Variants in RARB observed in about 807,000 individuals in gnomAD.
RARB encodes the protein retinoic acid receptor beta.
In RARB, 17 loss-of-function variants were observed where a neutral mutation model predicts 51.9. The ratio of observed to expected loss-of-function variants is 0.33; its 90% CI spans 0.22 to 0.49. The LOEUF (loss-of-function observed/expected upper bound fraction) is 0.49, where lower values mean the gene tolerates loss of function less well. Ranked by LOEUF, RARB falls within the 20% of genes least tolerant of loss-of-function variation. The pLI, the probability that RARB is intolerant of heterozygous loss-of-function variation, is 0.99. For synonymous variants in RARB, 215 were observed against 195.4 expected, an observed-to-expected ratio of 1.10 and a Z score of -0.84; for missense variants, 369 against 550.8, an observed-to-expected ratio of 0.67 and a Z score of 3.30.
intron 3 of RARB, among the ~76,000 whole-genome samples, chr3:25,099,533 C>T (rs1290216600): frequency 6.6e-6 from 1 of 150,446 alleles, no homozygotes; most frequent in Non-Finnish European, 1.5e-5. Context: ...CAAATTACAT[C>T]TTCTTAGATA....
At chr3:24,999,243 C>T (rs1437076886) in intron 2 of RARB, among the ~76,000 whole-genome samples, 1 of 152,140 alleles carries the variant, frequency 6.6e-6, no homozygotes, top group African/African-American at 2.4e-5. Flanking sequence ...CATGTAAAAA[C>T]ACGTAGTACA....
At chr3:24,923,390 C>CT (rs1193499280) in intron 2 of RARB, among the ~76,000 whole-genome samples, 1 of 152,082 alleles carries the variant, frequency 6.6e-6, no homozygotes, top group Admixed American at 6.6e-5. Context: ...TAAAAGAATT[C>CT]ATTTGACAGT....
intron 5 of RARB, chr3:25,174,713 A>C: frequency 2.3e-6 from 2 of 870,168 alleles, no homozygotes; most frequent in Non-Finnish European, 3.1e-6. Context: ...TTCTACTTTT[A>C]GTTCTGTGGA....
At chr3:25,516,689 C>T (rs1231510239) in intron 3 of RARB, among the ~76,000 whole-genome samples, 1 of 148,102 alleles carries the variant, frequency 6.8e-6, no homozygotes, top group African/African-American at 2.6e-5. Context: ...TGCAGTGATG[C>T]AATCTTGGCT....
intron 2 of RARB, among the ~76,000 whole-genome samples, chr3:24,942,555 A>G (rs1032239974): frequency 6.6e-6 from 1 of 152,222 alleles, no homozygotes; most frequent in African/African-American, 2.4e-5. Context: ...GCACAGAATG[A>G]TGATAAGCAT....
At chr3:24,942,975 C>T (rs940397440) in intron 2 of RARB, among the ~76,000 whole-genome samples, 13 of 152,016 alleles carry the variant, frequency 8.6e-5, no homozygotes, top group Non-Finnish European at 1.3e-4. Flanking sequence ...GTTTTGGAAA[C>T]GTCAATATTT....
chr3:25,407,889 C>G (rs536411403), intron 5 of RARB, among the ~76,000 whole-genome samples: 1 of 152,230 alleles, frequency 6.6e-6, no homozygotes, highest in South Asian at 2.1e-4. Context: ...CTCTCTTGCC[C>G]TTTTAGGAGG....
intron 5 of RARB, among the ~76,000 whole-genome samples, chr3:25,218,775 C>CA (rs1326034235): frequency 1.3e-5 from 2 of 152,106 alleles, no homozygotes; most frequent in Admixed American, 6.6e-5. Context: ...ATTCCCATTT[C>CA]AAAAAATAGG....
intron 3 of RARB, among the ~76,000 whole-genome samples, chr3:25,106,563 A>G (rs66831722): frequency 0.6 from 89,770 of 148,496 alleles, 27,557 homozygotes; most frequent in East Asian, 0.86. Flanking sequence ...TCATCCTCCC[A>G]AAGTGCTGGG....
intron 2 of RARB, among the ~76,000 whole-genome samples, chr3:25,483,552 CA>C (rs1244927910): frequency 8.6e-5 from 9 of 104,466 alleles, no homozygotes; most frequent in East Asian, 2.9e-4. Context: ...TTTTTTCACT[CA>C]AAAAAAGAGA....
At chr3:25,151,381 C>G (rs1335616863) in intron 4 of RARB, among the ~76,000 whole-genome samples, 1 of 152,162 alleles carries the variant, frequency 6.6e-6, no homozygotes, top group Non-Finnish European at 1.5e-5. Context: ...TAATCGTTCA[C>G]AAAAGGGAAA....
At chr3:25,171,012 C>CT (rs112633349) in intron 4 of RARB, among the ~76,000 whole-genome samples, 7,239 of 149,492 alleles carry the variant, frequency 0.048, 324 homozygotes, top group African/African-American at 0.11. Context: ...TTATTTTAAT[C>CT]TTTTTTTTTT....
chr3:25,436,547 A>G (rs1708443308), intron 1 of RARB, among the ~76,000 whole-genome samples: 1 of 152,136 alleles, frequency 6.6e-6, no homozygotes, highest in African/African-American at 2.4e-5. Flanking sequence ...GGCCCTCCTT[A>G]TCAGGGGAAA....
intron 3 of RARB, among the ~76,000 whole-genome samples, chr3:25,525,988 T>C (rs551418553): frequency 5.3e-5 from 8 of 152,284 alleles, no homozygotes; most frequent in African/African-American, 1.9e-4. Context: ...CCTCTTGGCG[T>C]TTTCATTTAT....
intron 2 of RARB, among the ~76,000 whole-genome samples, chr3:24,928,434 C>T (rs116496694): frequency 6.6e-6 from 1 of 151,960 alleles, no homozygotes; most frequent in African/African-American, 2.4e-5. Context: ...GACCTAGGTG[C>T]AGCAAATGAA....
At chr3:24,914,845 C>G (rs1413233004) in intron 2 of RARB, among the ~76,000 whole-genome samples, 1 of 152,308 alleles carries the variant, frequency 6.6e-6, no homozygotes, top group East Asian at 1.9e-4. Context: ...GTGGTAATCT[C>G]AGTACTAACA....
intron 5 of RARB, among the ~76,000 whole-genome samples, chr3:25,221,471 T>A (rs1701946834): frequency 6.6e-6 from 1 of 152,206 alleles, no homozygotes. Flanking sequence ...GTAGTGATTA[T>A]TCTTAGAAGT....
At chr3:25,176,428 G>T (rs1281572110) in intron 5 of RARB, among the ~76,000 whole-genome samples, 4 of 141,074 alleles carry the variant, frequency 2.8e-5, no homozygotes, top group East Asian at 2.2e-4. Flanking sequence ...ATGGTATCTC[G>T]CTCTGTCGCC....
intron 2 of RARB, among the ~76,000 whole-genome samples, chr3:25,477,751 A>C (rs1045919265): frequency 6.6e-5 from 10 of 152,208 alleles, no homozygotes; most frequent in African/African-American, 2.4e-4. Context: ...CCCAGTTACC[A>C]TTGCTGTATA....
Sources: allele counts gnomAD v4.1 joint callset (sites outside exome capture counted in the v4.1 genomes callset), GRCh38; gene constraint gnomAD v4.1.1; transcripts MANE v1.5; gene names NCBI Gene and HGNC (gene_info 2026-07-23, HGNC 2026-07-21).